Variants in ABCD3 observed in about 807,000 individuals in gnomAD.
The protein encoded by ABCD3 is ATP-binding cassette sub-family D member 3.
In ABCD3, 41 loss-of-function variants were observed where a neutral mutation model predicts 105.5. The ratio of observed to expected loss-of-function variants is 0.39; its 90% CI spans 0.30 to 0.50. The LOEUF (loss-of-function observed/expected upper bound fraction) is 0.50. Ranked by LOEUF, ABCD3 falls within the 20% of genes least tolerant of loss-of-function variation. The pLI is 0.84. For missense variants in ABCD3, 622 were observed against 806.3 expected (o/e 0.77, Z 2.77); for synonymous variants, 258 against 269.0 (o/e 0.96, Z 0.40).
chr1:94,435,482 T>C (rs1659866898), intron 1 of ABCD3, among the ~76,000 whole-genome samples: 1 of 152,162 alleles, frequency 6.6e-6, no homozygotes, highest in Admixed American at 6.5e-5. Context: ...CAGTGAACTG[T>C]GATGGCACCA....
intron 20 of ABCD3, among the ~76,000 whole-genome samples, chr1:94,505,962 A>AG (rs1221395817): frequency 6.6e-6 from 1 of 152,232 alleles, no homozygotes; most frequent in Non-Finnish European, 1.5e-5. Flanking sequence ...ACATAAATGT[A>AG]GGAAAATGTT....
intron 1 of ABCD3, among the ~76,000 whole-genome samples, chr1:94,449,583 A>G (rs1660493356): frequency 6.6e-6 from 1 of 152,256 alleles, no homozygotes; most frequent in African/African-American, 2.4e-5. Flanking sequence ...TAATTGAGGC[A>G]TACCGCCCTC....
chr1:94,394,891 T>A, the ABCD3 span, among the ~76,000 whole-genome samples: 1 of 152,216 alleles, frequency 6.6e-6, no homozygotes, highest in East Asian at 1.9e-4. Flanking sequence ...TGTGTTTAAT[T>A]TTCAATCGTG....
In ABCD3 at chr1:94,499,008, C is replaced by G; in HGVS notation, c.1594C>G (p.Gln532Glu). 6.2e-7 allele frequency: 1 copy of G among 1,613,822 alleles called. No individual in the cohort carries two copies. Among genetic ancestry groups the G allele is most frequent in the Non-Finnish European group, 8.5e-7 (1 of 1,179,850 alleles). Reference sequence around the variant, plus strand: ...GATATATCCAGATGGACGAGAAGATCAGAAAAGGAAGGGAATTTCTGACCT... The same window carrying G: ...GATATATCCAGATGGACGAGAAGATGAGAAAAGGAAGGGAATTTCTGACCT... ...QVIYPDGREDQKRKGISDLVL... is the reference protein window; with the variant it reads ...QVIYPDGREDEKRKGISDLVL... The change falls in exon 19 of 23, where the codon CAG becomes GAG. Residue 532 changes from glutamine (Q) to glutamate (E), a missense_variant. Coordinates refer to ENST00000370214, the MANE Select transcript of ABCD3 (RefSeq NM_002858.4).
At chr1:94,465,000 C>T (rs1031981926) in intron 3 of ABCD3, 127 bp downstream of exon 3, 9 of 805,958 alleles carry the variant, frequency 1.1e-5, no homozygotes, top group African/African-American at 1.7e-5. Context: ...ACAAGCATGG[C>T]ACAGCATCTC....
intron 3 of ABCD3, 132 bp from the exon 4 acceptor site, chr1:94,467,787 A>G: frequency 1.5e-6 from 1 of 665,838 alleles, no homozygotes; most frequent in South Asian, 1.7e-5. Flanking sequence ...ACTTATAGAA[A>G]AAATGTCAGC....
chr1:94,450,206 A>G lies in ABCD3; in HGVS notation c.111-8401A>G, dbSNP rs1156669755. ...TTTAATCTGTGTTGTTTGTCTTTGT[A>G]TAGTCTGCAGATGTGGATTCCAACT... On this transcript the variant is annotated intron_variant, in intron 1 of 22. Transcript: ENST00000370214. 2.6e-5 allele frequency among the ~76,000 whole-genome samples: 4 copies of G among 152,214 alleles called. No individual in the cohort carries two copies. The East Asian group carries it at 7.7e-4, about 29-fold the overall frequency.
chr1:94,423,045 C>G (rs774637672), intron 1 of ABCD3, among the ~76,000 whole-genome samples: 1 of 152,148 alleles, frequency 6.6e-6, no homozygotes, highest in African/African-American at 2.4e-5. Flanking sequence ...ACTCTCTGTT[C>G]CAAATAGGAC....
intron 1 of ABCD3, among the ~76,000 whole-genome samples, chr1:94,426,516 T>C (rs1243276964): frequency 6.6e-6 from 1 of 152,144 alleles, no homozygotes; most frequent in East Asian, 1.9e-4. Flanking sequence ...TGGTTTTCCC[T>C]TCTTTCCCCC....
chr1:94,472,772 G>A (rs963651385), intron 4 of ABCD3, among the ~76,000 whole-genome samples: 11 of 152,104 alleles, frequency 7.2e-5, no homozygotes, highest in Admixed American at 1.3e-4. Flanking sequence ...TTGTGTGTGC[G>A]TGGGCAGCTA....
intron 19 of ABCD3, 105 bp from the exon 20 acceptor site, chr1:94,499,390 G>A (rs1157697712): frequency 1.0e-5 from 13 of 1,257,006 alleles, no homozygotes; most frequent in Non-Finnish European, 1.5e-5. Context: ...CTTTTAAGTG[G>A]TACAGACAAT....
At chr1:94,500,287 A>T (rs575463695) in intron 20 of ABCD3, among the ~76,000 whole-genome samples, 1 of 152,170 alleles carries the variant, frequency 6.6e-6, no homozygotes, top group South Asian at 2.1e-4. Context: ...TACAAAAAAA[A>T]ATTTAAAAAT....
intron 1 of ABCD3, among the ~76,000 whole-genome samples, chr1:94,434,195 T>TA (rs1174773752): frequency 3.3e-5 from 5 of 152,158 alleles, no homozygotes; most frequent in East Asian, 1.9e-4. Context: ...TTTTTTAGTT[T>TA]AAAAAAAATC....
At chr1:94,484,096 T>C (rs1160207949) in intron 10 of ABCD3, among the ~76,000 whole-genome samples, 4 of 152,190 alleles carry the variant, frequency 2.6e-5, no homozygotes, top group Non-Finnish European at 5.9e-5. Flanking sequence ...TGAGACACTA[T>C]CTCACACCAG....
the ABCD3 span, among the ~76,000 whole-genome samples, chr1:94,404,552 G>C: frequency 6.6e-6 from 1 of 151,882 alleles, no homozygotes; most frequent in Non-Finnish European, 1.5e-5. Context: ...TTTCATTTCT[G>C]AATATGTAGA....
rs188897453 is a variant in ABCD3 at position 94,431,393 on chromosome 1, A to C, written c.110+12805A>C. Among the ~76,000 whole-genome samples the C allele has an allele frequency of 5.9e-5, 9 of 152,310 alleles. No homozygotes were observed. The East Asian group carries it at 1.5e-3, about 26-fold the overall frequency. On this transcript the variant is annotated intron_variant, in intron 1 of 22. Transcript: ENST00000370214. ...CAAAGTCGAGTGCTTGCTATGTACC[A>C]GATGCTGGGTTTTCAGATGTTAAGC...
At position 94,453,736 on chromosome 1, in the gene ABCD3, G is replaced by A. The variant is rs1283696239; in HGVS notation, c.111-4871G>A. Among the ~76,000 whole-genome samples, 5 of 148,652 alleles carry A rather than the reference G, an allele frequency of 3.4e-5. No individual in the cohort carries two copies. In the South Asian group the frequency reaches 1.1e-3, roughly 32 times the overall value. On this transcript the variant is annotated intron_variant, in intron 1 of 22. Transcript: ENST00000370214. Reference sequence around the variant, plus strand: ...TTTTTCAAATTTTATCTATTTTTGTGCTCATTTTTTTTATTTTTTGTGTTT... The same window carrying A: ...TTTTTCAAATTTTATCTATTTTTGTACTCATTTTTTTTATTTTTTGTGTTT...
chr1:94,463,577 T>C (rs1225980341), intron 2 of ABCD3, among the ~76,000 whole-genome samples: 2 of 152,190 alleles, frequency 1.3e-5, no homozygotes, highest in Non-Finnish European at 2.9e-5. Context: ...ATAATGGAGT[T>C]GGGGAAAGGG....
rs187255533 is a variant in ABCD3, at chr1:94,429,535, C to T, written c.110+10947C>T. ...CCCTTTGCTGTGTGCAGTCTAGGGACTTGGTGCCCTGCATCCCAGCCACTT... is the reference window on the plus strand; with the variant it reads ...CCCTTTGCTGTGTGCAGTCTAGGGATTTGGTGCCCTGCATCCCAGCCACTT... On this transcript the variant is annotated intron_variant, in intron 1 of 22. Transcript: ENST00000370214. Among the ~76,000 whole-genome samples, 374 of 152,304 alleles carry T rather than the reference C, an allele frequency of 2.5e-3. 1 individual carries two copies. Among genetic ancestry groups the T allele is most frequent in the African/African-American group, 8.8e-3 (364 of 41,566 alleles).
Sources: gnomAD v4.1 joint callset for allele counts (sites outside exome capture counted in the v4.1 genomes callset) on GRCh38, gnomAD v4.1.1 for gene constraint, MANE v1.5 for transcripts, NCBI Gene and HGNC (gene_info 2026-07-23, HGNC 2026-07-21) for gene names.